NQO2: variants seen among roughly 807,000 people sequenced by gnomAD.
NQO2 encodes the protein ribosyldihydronicotinamide dehydrogenase [quinone].
Under a neutral mutation model 22.0 loss-of-function variants are expected in NQO2, and 18 were observed. The ratio of observed to expected loss-of-function variants is 0.82; its 90% CI spans 0.56 to 1.21. The LOEUF (loss-of-function observed/expected upper bound fraction) is 1.21, where lower values mean the gene tolerates loss of function less well. NQO2 is among the 50% of genes most tolerant of loss of function. NQO2 has a pLI of 0.00. For missense variants in NQO2, 267 were observed against 286.9 expected (o/e 0.93, Z 0.50); for synonymous variants, 106 against 110.8 (o/e 0.96, Z 0.28).
chr6:3,014,761 G>A (rs983503111), intron 4 of NQO2, among the ~76,000 whole-genome samples: 1 of 152,106 alleles, frequency 6.6e-6, no homozygotes, highest in African/African-American at 2.4e-5. Flanking sequence ...TTCTGTTTTG[G>A]GCACTGTGGT....
Position 3,006,400 on chromosome 6 carries a change from C to T in NQO2, c.-85-68C>T. 1.4e-5 allele frequency: 21 copies of T among 1,472,528 alleles called. No individual in the cohort carries two copies. The highest frequency in any genetic ancestry group is 2.6e-5 in the East Asian group (1 of 38,368). 91.2% of individuals were successfully genotyped at this position (1,472,528 alleles called of 1,614,324 possible). ...GTCTGTCAGGAAGCAGCAGTGATGC[C>T]TAGATGTGGTACATTCGACCTCACC... On this transcript the variant is annotated intron_variant, in intron 1 of 6. Coordinates refer to ENST00000380455, the MANE Select transcript of NQO2 (RefSeq NM_000904.6). The surrounding 1 kb of genome is among the most constrained non-coding windows in gnomAD (Gnocchi z 4.0).
At chr6:3,005,033 AATCC>A (rs1355622071) in intron 1 of NQO2, among the ~76,000 whole-genome samples, 1 of 152,002 alleles carries the variant, frequency 6.6e-6, no homozygotes, top group East Asian at 1.9e-4. Flanking sequence ...GACCTCAGGT[AATCC>A]ACCTGCCTCA....
chr6:3,015,222 G>A, intron 4 of NQO2: 4 of 1,380,952 alleles, frequency 2.9e-6, no homozygotes, highest in Non-Finnish European at 3.8e-6. Flanking sequence ...ATCACAGACT[G>A]CTGCTCCAAA....
rs546823115 is a variant in NQO2, at chr6:3,008,730, G to A, written c.8-1295G>A. Among the ~76,000 whole-genome samples, 578 of 152,220 alleles carry A rather than the reference G, an allele frequency of 3.8e-3. 3 individuals are homozygous for A. Among genetic ancestry groups the A allele is most frequent in the Non-Finnish European group, 5.3e-3 (362 of 68,010 alleles). On this transcript the variant is annotated intron_variant, in intron 2 of 6. Transcript: ENST00000380455. ...GTGTCGGCCGGTCTGAGAAATAAACGGACAGAGTACAAAAGAGAGAAATTT... is the reference window on the plus strand; with the variant it reads ...GTGTCGGCCGGTCTGAGAAATAAACAGACAGAGTACAAAAGAGAGAAATTT...
chr6:3,015,996 C>G (rs2113461356), intron 5 of NQO2, among the ~76,000 whole-genome samples: 1 of 151,868 alleles, frequency 6.6e-6, no homozygotes, highest in East Asian at 1.9e-4. Context: ...GAGCCCAGCC[C>G]TGGCCTGGCA....
chr6:3,013,963 T>G (rs1237525752), intron 4 of NQO2, among the ~76,000 whole-genome samples: 4 of 152,214 alleles, frequency 2.6e-5, no homozygotes, highest in Admixed American at 2.6e-4. Context: ...TGCCAGGGAC[T>G]GGATCCCCTA....
chr6:3,008,176 G>A (rs1213862359), intron 2 of NQO2, among the ~76,000 whole-genome samples: 4 of 152,194 alleles, frequency 2.6e-5, no homozygotes, highest in Non-Finnish European at 5.9e-5. Context: ...CCAGCACTCT[G>A]GGAGGCCAAG....
At chr6:3,004,380 T>A (rs1454990934) in intron 1 of NQO2, 36 of 983,896 alleles carry the variant, frequency 3.7e-5, no homozygotes, top group Non-Finnish European at 4.3e-5. Flanking sequence ...TTTGGAGTGA[T>A]CAGAGCTGTC....
At chr6:3,013,106 C>T (rs1213410085) in intron 4 of NQO2, among the ~76,000 whole-genome samples, 1 of 151,744 alleles carries the variant, frequency 6.6e-6, no homozygotes, top group East Asian at 1.9e-4. Flanking sequence ...CAGGCGCCCG[C>T]CACCACGCCC....
chr6:3,018,442 T>TTGCA (rs1757415819), intron 6 of NQO2, among the ~76,000 whole-genome samples: 2 of 151,988 alleles, frequency 1.3e-5, no homozygotes, highest in Admixed American at 1.3e-4. Context: ...GAGACGGAGG[T>TTGCA]TGCAGTGAGC....
chr6:3,012,715 T>A (rs767114455), intron 4 of NQO2, 41 bp downstream of exon 4: 2 of 1,584,506 alleles, frequency 1.3e-6, no homozygotes, highest in South Asian at 2.3e-5. Context: ...CAGATTCATC[T>A]TATGTACAAA....
Position 3,019,691 on chromosome 6 carries a change from T to C in NQO2, c.*36T>C, listed in dbSNP as rs746229049. On this transcript the variant is annotated 3_prime_UTR_variant, in exon 7 of 7. Coordinates refer to ENST00000380455, the MANE Select transcript of NQO2 (RefSeq NM_000904.6). Reference sequence around the variant, plus strand: ...CGTGGGCATCACGTAAGCAGCACACTAGGAGGCCCAGGCGCAGGCAAAGAG... The same window carrying C: ...CGTGGGCATCACGTAAGCAGCACACCAGGAGGCCCAGGCGCAGGCAAAGAG... 2 of 1,529,508 alleles carry C rather than the reference T, an allele frequency of 1.3e-6. No homozygotes were observed. Among genetic ancestry groups the C allele is most frequent in the African/African-American group, 2.8e-5 (2 of 72,638 alleles). 94.7% of individuals were successfully genotyped at this position (1,529,508 alleles called of 1,614,324 possible). A position where few individuals can be genotyped will look rare whatever the true frequency, so the allele number is the denominator to read the frequency against.
intron 6 of NQO2, among the ~76,000 whole-genome samples, chr6:3,018,488 G>C (rs1581338247): frequency 6.6e-6 from 1 of 152,290 alleles, no homozygotes; most frequent in South Asian, 2.1e-4. Context: ...CTGGGCAACA[G>C]AATGAGAATC....
chr6:3,016,372 A>G (rs539106263), intron 5 of NQO2, among the ~76,000 whole-genome samples: 28 of 149,470 alleles, frequency 1.9e-4, no homozygotes, highest in Non-Finnish European at 3.0e-4. Flanking sequence ...TGGAGGTTGC[A>G]GTGAGCCAAA....
Position 3,019,698 on chromosome 6 carries a change from C to A in NQO2, c.*43C>A. The A allele has an allele frequency of 6.7e-7, 1 of 1,483,266 alleles. No individual in the cohort carries two copies. Among genetic ancestry groups the A allele is most frequent in the South Asian group, 1.3e-5 (1 of 77,292 alleles). The allele number at this position is 1,483,266 out of a possible 1,614,324, so 91.9% of individuals were successfully genotyped here. ...ATCACGTAAGCAGCACACTAGGAGGCCCAGGCGCAGGCAAAGAGAAGATGG... is the reference window on the plus strand; with the variant it reads ...ATCACGTAAGCAGCACACTAGGAGGACCAGGCGCAGGCAAAGAGAAGATGG... On this transcript the variant is annotated 3_prime_UTR_variant, in exon 7 of 7. Coordinates refer to ENST00000380455, the MANE Select transcript of NQO2 (RefSeq NM_000904.6).
At chr6:3,013,979 A>G (rs1464594440) in intron 4 of NQO2, among the ~76,000 whole-genome samples, 1 of 152,214 alleles carries the variant, frequency 6.6e-6, no homozygotes, top group African/African-American at 2.4e-5. Context: ...CCCTAGATCC[A>G]GAATTTCCAA....
chr6:3,008,992 T>C (rs56233096), intron 2 of NQO2, among the ~76,000 whole-genome samples: 5,662 of 152,266 alleles, frequency 0.037, 118 homozygotes, highest in African/African-American at 0.055. Flanking sequence ...AATGAAGTTT[T>C]GGGCACCATT....
chr6:3,018,540 G>C (rs9501910), intron 6 of NQO2, among the ~76,000 whole-genome samples: 124,634 of 152,202 alleles, frequency 0.82, 51,411 homozygotes, highest in African/African-American at 0.91. Context: ...TAAATAAAAT[G>C]ATGTTGCCTG....
At chr6:3,007,239 C>T (rs576083583) in intron 2 of NQO2, among the ~76,000 whole-genome samples, 102 of 152,256 alleles carry the variant, frequency 6.7e-4, no homozygotes, top group African/African-American at 2.3e-3. Flanking sequence ...CACCCCTCCC[C>T]CACCGGCTGT....
Sources: gnomAD v4.1 joint callset for allele counts (sites outside exome capture counted in the v4.1 genomes callset) on GRCh38, gnomAD v4.1.1 for gene constraint, Gnocchi (gnomAD v3.1) non-coding constraint, MANE v1.5 for transcripts, NCBI Gene and HGNC (gene_info 2026-07-23, HGNC 2026-07-21) for gene names.